The following DDIAS variants were observed in gnomAD, a reference collection of about 807,000 sequenced individuals.
DDIAS encodes the protein DNA damage induced apoptosis suppressor.
A neutral mutation model predicts 15.7 loss-of-function variants in DDIAS; 14 were observed. The observed-to-expected ratio is 0.89, with a 90% CI of 0.59 to 1.39. The LOEUF (loss-of-function observed/expected upper bound fraction) is 1.39. Among genes scored for constraint, DDIAS ranks in the 40% most tolerant of loss-of-function variants. The pLI is 0.00. For missense variants in DDIAS, 1,035 were observed against 1,130.9 expected (o/e 0.92, Z 1.22); for synonymous variants, 355 against 395.9 (o/e 0.90, Z 1.23).
intron 1 of DDIAS, chr11:82,909,205 C>G (rs929146818): frequency 6.6e-6 from 1 of 152,154 alleles, no homozygotes; most frequent in Non-Finnish European, 1.5e-5. Flanking sequence ...TTATTTGTGC[C>G]TCCCCCTTTT....
At chr11:82,913,019 G>C (rs1860556391) in intron 1 of DDIAS, among the ~76,000 whole-genome samples, 1 of 152,032 alleles carries the variant, frequency 6.6e-6, no homozygotes, top group African/African-American at 2.4e-5. Context: ...AATTACAATA[G>C]TAACATCAAA....
rs955128685 is a variant in DDIAS, at chr11:82,913,294, C to T, written c.-109C>T. The T allele has an allele frequency of 1.3e-5, 2 of 154,094 alleles. No individual in the cohort carries two copies. Among genetic ancestry groups the T allele is most frequent in the African/African-American group, 4.8e-5 (2 of 41,468 alleles). 9.5% of individuals were successfully genotyped at this position (154,094 alleles called of 1,614,324 possible). ...TTGTTTATTTGGAGATAGGGTCTTG[C>T]TCTGTCACCCAGGCTGGAGTGCCAT... is the stretch of plus-strand genomic sequence containing the variant. On this transcript the variant is annotated 5_prime_UTR_variant, in exon 2 of 6. Coordinates refer to ENST00000533655, the MANE Select transcript of DDIAS (RefSeq NM_145018.4).
intron 3 of DDIAS, among the ~76,000 whole-genome samples, chr11:82,919,370 T>C (rs1291128778): frequency 1.3e-5 from 2 of 152,248 alleles, no homozygotes; most frequent in Non-Finnish European, 2.9e-5. Context: ...ATTTTTGGTT[T>C]TAAAATTCTG....
Position 82,932,975 on chromosome 11 carries a change from C to A in DDIAS, c.1637C>A (p.Ser546Ter). ...TACCTGTCAGCTCTGTCTTCATCTT[C>A]AAAAGATTTAGAAACAATAGTTACT... ...NPYLSALSSS[S>*]KDLETIVTLK... is the part of the protein sequence containing the mutation. Residue 546 changes from serine (S) to a stop codon, truncating the protein, a stop_gained, in exon 6 of 6, where the codon TCA becomes TAA. Coordinates refer to ENST00000533655, the MANE Select transcript of DDIAS (RefSeq NM_145018.4). LOFTEE classifies it low-confidence loss of function (END_TRUNC). 1 of 1,612,156 alleles carries A rather than the reference C, an allele frequency of 6.2e-7. No homozygotes were observed. The highest frequency in any genetic ancestry group is 1.7e-5 in the Admixed American group (1 of 59,972).
At chr11:82,909,446 G>C (rs376193273) in intron 1 of DDIAS, 1 of 152,100 alleles carries the variant, frequency 6.6e-6, no homozygotes. Flanking sequence ...TTAACCGTCT[G>C]GGAATTCAGC....
At chr11:82,922,700 T>C (rs1860779557) in intron 3 of DDIAS, 2 of 152,218 alleles carry the variant, frequency 1.3e-5, no homozygotes, top group Admixed American at 1.3e-4. Context: ...AGGGATTTCT[T>C]ATTGGTTTGA....
At chr11:82,909,987 C>T (rs1860495235) in intron 1 of DDIAS, among the ~76,000 whole-genome samples, 1 of 152,044 alleles carries the variant, frequency 6.6e-6, no homozygotes, top group Non-Finnish European at 1.5e-5. Context: ...TAACATCTCC[C>T]TTCCATAGTC....
chr11:82,931,047 T>C (rs888150002), intron 5 of DDIAS, among the ~76,000 whole-genome samples: 5 of 152,196 alleles, frequency 3.3e-5, no homozygotes, highest in Non-Finnish European at 5.9e-5. Context: ...TTGCCATTTA[T>C]TGAGCCACTG....
Position 82,914,904 on chromosome 11 carries a change from A to G in DDIAS, c.113+53A>G, listed in dbSNP as rs1297569004. On this transcript the variant is annotated intron_variant, in intron 3 of 5. Coordinates refer to ENST00000533655, the MANE Select transcript of DDIAS (RefSeq NM_145018.4). ...GAGGAAATACAAATGCACACTGTAG[A>G]TTTCCTATGGCTCAAGGGCAAGGAC... 3 of 1,225,588 alleles carry G rather than the reference A, an allele frequency of 2.4e-6. No individual in the cohort carries two copies. In the East Asian group the frequency reaches 7.4e-5, roughly 30 times the overall value. 75.9% of individuals were successfully genotyped at this position (1,225,588 alleles called of 1,614,324 possible).
chr11:82,934,308 T>G lies in DDIAS; in HGVS notation c.2970T>G (p.Ser990Arg), dbSNP rs927387231. 1 of 1,597,732 alleles carries G rather than the reference T, an allele frequency of 6.3e-7. No homozygotes were observed. The highest frequency in any genetic ancestry group is 8.5e-7 in the Non-Finnish European group (1 of 1,174,546). The change falls in exon 6 of 6, where the codon AGT (serine) becomes AGG (arginine). Residue 990 changes from serine to arginine, a missense_variant. Physicochemically the swap from Ser to Arg is moderately radical, Grantham distance 110. Transcript: ENST00000533655. ...KGPPSVCETR[S>R]AWSPELFS The stretch of plus-strand genomic sequence containing the variant: ...CACCTTCAGTGTGTGAAACTCGAAG[T>G]GCTTGGTCACCTGAATTGTTTTCAT...
intron 1 of DDIAS, among the ~76,000 whole-genome samples, chr11:82,908,904 C>G (rs887671620): frequency 6.6e-6 from 1 of 152,166 alleles, no homozygotes; most frequent in Non-Finnish European, 1.5e-5. Context: ...TTTCTTTAGC[C>G]CTTCTCTTTC....
chr11:82,914,714 G>A lies in DDIAS; in HGVS notation c.-16-9G>A. The A allele has an allele frequency of 1.4e-6, 2 of 1,430,828 alleles. No homozygotes were observed. 88.6% of individuals were successfully genotyped at this position (1,430,828 alleles called of 1,614,324 possible). A position where few individuals can be genotyped will look rare whatever the true frequency, so the allele number is the denominator to read the frequency against. ...TGCCAGTCATCCCAATGGCTATTTT[G>A]TTTTGCAGACCACGGTGTGAACACA... On this transcript the variant is annotated splice_polypyrimidine_tract_variant and intron_variant, in intron 2 of 5. Transcript: ENST00000533655.
intron 4 of DDIAS, 89 bp from the exon 5 acceptor site, chr11:82,930,068 C>A: frequency 2.7e-6 from 2 of 736,934 alleles, no homozygotes; most frequent in Non-Finnish European, 4.4e-6. Context: ...GTTCATGCTG[C>A]ATTTTCAAAT....
chr11:82,931,889 T>G lies in DDIAS; in HGVS notation c.551T>G (p.Leu184Arg), dbSNP rs765648992. The change falls in exon 6 of 6, where the codon CTT becomes CGT. Residue 184 changes from leucine (L) to arginine (R), a missense_variant. By Grantham distance (102) the Leu-to-Arg change is moderately radical (BLOSUM62 -2). Coordinates refer to ENST00000533655, the MANE Select transcript of DDIAS (RefSeq NM_145018.4). ...ACTGTCATTGACTACTTCCATCAACTTTTGCAGACTTTTAATTTCAGGAAA... is the reference window on the plus strand; with the variant it reads ...ACTGTCATTGACTACTTCCATCAACGTTTGCAGACTTTTAATTTCAGGAAA... Reference protein sequence around the residue: ...GFTVIDYFHQLLQTFNFRKLQ... With the variant: ...GFTVIDYFHQRLQTFNFRKLQ... 3 of 1,614,148 alleles carry G rather than the reference T, an allele frequency of 1.9e-6. No individual in the cohort carries two copies. The highest frequency in any genetic ancestry group is 2.5e-6 in the Non-Finnish European group (3 of 1,180,036).
At chr11:82,909,373 G>T (rs1860484106) in intron 1 of DDIAS, 1 of 152,140 alleles carries the variant, frequency 6.6e-6, no homozygotes, top group South Asian at 2.1e-4. Context: ...TGTTTTATCA[G>T]CGAGGCCTTT....
At chr11:82,917,531 T>G (rs1440106866) in intron 3 of DDIAS, among the ~76,000 whole-genome samples, 1 of 152,204 alleles carries the variant, frequency 6.6e-6, no homozygotes, top group Non-Finnish European at 1.5e-5. Context: ...CACAGTTTCT[T>G]TATCCACTCA....
In DDIAS at chr11:82,931,993, A is replaced by C; in HGVS notation, c.655A>C (p.Thr219Pro). Reference protein sequence around the residue: ...HSNSDLSSIYTSDSTSDFFKS... With the variant: ...HSNSDLSSIYPSDSTSDFFKS... ...AAATAGTGATCTCAGCAGCATATAT[A>C]CTTCTGACAGCACTTCTGATTTTTT... Residue 219 changes from threonine (T) to proline (P), a missense_variant, in exon 6 of 6, where the codon ACT becomes CCT. Transcript: ENST00000533655. 3 of 1,614,110 alleles carry C rather than the reference A, an allele frequency of 1.9e-6. No homozygotes were observed. The highest frequency in any genetic ancestry group is 2.5e-6 in the Non-Finnish European group (3 of 1,179,976).
rs552071468 is a variant in DDIAS, at chr11:82,930,233, G to C, written c.352G>C (p.Glu118Gln). Residue 118 changes from glutamate to glutamine, a missense_variant, in exon 5 of 6, where the codon GAA becomes CAA. Physicochemically the swap from Glu to Gln is conservative, Grantham distance 29. Transcript: ENST00000533655. The stretch of plus-strand genomic sequence containing the variant: ...TCAGAATCTATTAACTAAAGCAGTT[G>C]AAACTTGCTTTGTTGGACAAAGCTT... ...TTQNLLTKAV[E>Q]TCFVGQSFIF... The C allele has an allele frequency of 6.2e-7, 1 of 1,602,222 alleles. No homozygotes were observed. Among genetic ancestry groups the C allele is most frequent in the East Asian group, 2.2e-5 (1 of 44,564 alleles).
chr11:82,915,122 T>C (rs753283803), intron 3 of DDIAS, among the ~76,000 whole-genome samples: 2 of 152,222 alleles, frequency 1.3e-5, no homozygotes, highest in African/African-American at 2.4e-5. Flanking sequence ...GTACAAAACT[T>C]AGCCCATTTC....
Sources: allele counts gnomAD v4.1 joint callset (sites outside exome capture counted in the v4.1 genomes callset), GRCh38; gene constraint gnomAD v4.1.1; transcripts MANE v1.5; gene names NCBI Gene and HGNC (gene_info 2026-07-23, HGNC 2026-07-21).